The following CCDC30 variants were observed in gnomAD, a reference collection of about 807,000 sequenced individuals.
The protein encoded by CCDC30 is coiled-coil domain containing 30, also known as coiled-coil domain-containing protein 30.
Under a neutral mutation model 100.2 loss-of-function variants are expected in CCDC30, and 70 were observed. The observed-to-expected ratio is 0.70, with a 90% CI of 0.58 to 0.85. The LOEUF (loss-of-function observed/expected upper bound fraction) is 0.85. Ranked by LOEUF, CCDC30 falls within the 40% of genes least tolerant of loss-of-function variation. The pLI, the probability that CCDC30 is intolerant of heterozygous loss-of-function variation, is 0.00. For missense variants in CCDC30, 652 were observed against 771.2 expected (o/e 0.85, Z 1.83); for synonymous variants, 233 against 269.5 (o/e 0.86, Z 1.33).
At chr1:42,593,431 A>G (rs1164109697) in intron 10 of CCDC30, 2 of 152,280 alleles carry the variant, frequency 1.3e-5, no homozygotes, top group Non-Finnish European at 2.9e-5. Flanking sequence ...GGACCTCCAC[A>G]TATTCAGCAA....
At position 42,511,097 on chromosome 1, in the gene CCDC30, T is replaced by C. The variant is rs374120273; in HGVS notation, c.456+12181T>C. On this transcript the variant is annotated intron_variant, in intron 6 of 16. Coordinates refer to ENST00000668663, the Ensembl canonical transcript of CCDC30. Reference sequence around the variant, plus strand: ...CTATTCCTTTCAGTGTGACCCAGGGTGGAGGGGAAGACAGTGAGGGCATCC... The same window carrying C: ...CTATTCCTTTCAGTGTGACCCAGGGCGGAGGGGAAGACAGTGAGGGCATCC... Among the ~76,000 whole-genome samples the C allele has an allele frequency of 9.1e-4, 138 of 152,104 alleles. 1 individual carries two copies. In the South Asian group the frequency reaches 0.026, roughly 29 times the overall value.
chr1:42,528,150 G>A (rs962422471), intron 6 of CCDC30, among the ~76,000 whole-genome samples: 2 of 152,210 alleles, frequency 1.3e-5, no homozygotes, highest in Admixed American at 1.3e-4. Flanking sequence ...ACAGGCATGA[G>A]CCACTGAGCC....
chr1:42,617,696 G>A (rs1646752351), intron 11 of CCDC30, among the ~76,000 whole-genome samples: 1 of 152,140 alleles, frequency 6.6e-6, no homozygotes, highest in Non-Finnish European at 1.5e-5. Context: ...TCAGTTCCTG[G>A]GTGGGGGCCA....
intron 11 of CCDC30, among the ~76,000 whole-genome samples, chr1:42,621,824 G>C (rs1216039388): frequency 6.6e-6 from 1 of 151,338 alleles, no homozygotes; most frequent in Non-Finnish European, 1.5e-5. Context: ...TTTTGTTTAT[G>C]TTTGTAGAGT....
At chr1:42,636,691 A>T (rs1647162739) in intron 11 of CCDC30, among the ~76,000 whole-genome samples, 1 of 151,724 alleles carries the variant, frequency 6.6e-6, no homozygotes, top group South Asian at 2.1e-4. Context: ...AGGTAGTCCA[A>T]GTGCGGTAGC....
chr1:42,456,673 G>A, the CCDC30 span: 1 of 1,604,150 alleles, frequency 6.2e-7, no homozygotes, highest in Non-Finnish European at 8.5e-7. Context: ...AGGGCCGGCG[G>A]GTGGTGTTGG....
At chr1:42,522,223 G>T (rs1268935970) in intron 6 of CCDC30, among the ~76,000 whole-genome samples, 1 of 151,742 alleles carries the variant, frequency 6.6e-6, no homozygotes, top group Non-Finnish European at 1.5e-5. Context: ...TTCAATCCAG[G>T]GTTGGTTGAA....
At chr1:42,523,345 C>G (rs1164383153) in intron 6 of CCDC30, among the ~76,000 whole-genome samples, 1 of 152,102 alleles carries the variant, frequency 6.6e-6, no homozygotes, top group African/African-American at 2.4e-5. Flanking sequence ...TCTGAAGGAC[C>G]AGTTTTGCCA....
chr1:42,653,783 A>T, intron 16 of CCDC30, 35 bp from the exon 21 acceptor site: 1 of 1,512,284 alleles, frequency 6.6e-7, no homozygotes. Context: ...AACAAACTCT[A>T]TGTACATGAT....
At chr1:42,653,926 G>T (rs1648559945) in exon 17 of CCDC30, 1 of 1,614,114 alleles carries the variant, frequency 6.2e-7, no homozygotes, top group South Asian at 1.1e-5. Context: ...AGTCTCCTGA[G>T]AATCTTGTGT....
At chr1:42,556,301 A>G (rs1645367799) in intron 6 of CCDC30, 1 of 1,613,954 alleles carries the variant, frequency 6.2e-7, no homozygotes, top group African/African-American at 1.3e-5. Context: ...GTTAACCATG[A>G]AGCCTGAGGA....
exon 15 of CCDC30, chr1:42,646,140 T>G (rs2148691526): frequency 6.3e-7 from 1 of 1,582,806 alleles, no homozygotes; most frequent in East Asian, 2.2e-5. Flanking sequence ...CTTAGAATCT[T>G]AAGGAGTTTC....
intron 11 of CCDC30, among the ~76,000 whole-genome samples, chr1:42,620,347 C>A (rs1646807050): frequency 6.6e-6 from 1 of 152,032 alleles, no homozygotes; most frequent in African/African-American, 2.4e-5. Context: ...ACGTTTTGAC[C>A]TGTGTAATAA....
At chr1:42,648,976 C>A (rs536377656) in intron 15 of CCDC30, among the ~76,000 whole-genome samples, 25 of 152,148 alleles carry the variant, frequency 1.6e-4, no homozygotes, top group African/African-American at 5.5e-4. Flanking sequence ...TAGAAACATA[C>A]AACCTACCAA....
At chr1:42,598,414 G>A (rs1480277126) in intron 10 of CCDC30, among the ~76,000 whole-genome samples, 1 of 151,344 alleles carries the variant, frequency 6.6e-6, no homozygotes, top group Non-Finnish European at 1.5e-5. Flanking sequence ...GCTACTGGGG[G>A]TGGCGGTGGG....
At chr1:42,646,895 C>T (rs929722099) in intron 15 of CCDC30, among the ~76,000 whole-genome samples, 1 of 152,014 alleles carries the variant, frequency 6.6e-6, no homozygotes, top group Non-Finnish European at 1.5e-5. Flanking sequence ...GTCAGGAGTT[C>T]GAGACCAGCC....
chr1:42,569,438 T>A (rs993445786), intron 7 of CCDC30, among the ~76,000 whole-genome samples: 2 of 152,184 alleles, frequency 1.3e-5, no homozygotes, highest in Non-Finnish European at 2.9e-5. Context: ...TACCATCTCA[T>A]GCCAGTTAGA....
intron 1 of CCDC30, among the ~76,000 whole-genome samples, chr1:42,466,558 T>G (rs1569664050): frequency 5.6e-5 from 3 of 53,372 alleles, no homozygotes; most frequent in African/African-American, 2.7e-4. Context: ...TTTTGTTTTG[T>G]TTTTTTTTTT....
chr1:42,537,969 C>CA (rs573354651), intron 6 of CCDC30: 50,376 of 123,408 alleles, frequency 0.41, 10,108 homozygotes, highest in East Asian at 0.6. Context: ...AACTCCATCT[C>CA]AAAAAAAAAA....
Sources: gnomAD v4.1 joint callset for allele counts (sites outside exome capture counted in the v4.1 genomes callset) on GRCh38, gnomAD v4.1.1 for gene constraint, MANE v1.5 for transcripts, NCBI Gene and HGNC (gene_info 2026-07-23, HGNC 2026-07-21) for gene names.